ANKDD1A: variants seen among roughly 807,000 people sequenced by gnomAD.
The protein encoded by ANKDD1A is ankyrin repeat and death domain-containing protein 1A.
Under a neutral mutation model 63.5 loss-of-function variants are expected in ANKDD1A, and 59 were observed. That is an observed-to-expected ratio of 0.93 (90% CI 0.75 to 1.15). The LOEUF (loss-of-function observed/expected upper bound fraction) is 1.15. Among genes scored for constraint, ANKDD1A ranks in the 50% most tolerant of loss-of-function variants. The pLI, the probability that ANKDD1A is intolerant of heterozygous loss-of-function variation, is 0.00. For missense variants in ANKDD1A, 632 were observed against 656.4 expected, an observed-to-expected ratio of 0.96 and a Z score of 0.41; for synonymous variants, 266 against 263.9, an observed-to-expected ratio of 1.01 and a Z score of -0.08.
In ANKDD1A at chr15:64,943,464, TC is replaced by T. The variant is rs1374695512; in HGVS notation, c.967-17del. 3 of 1,612,640 alleles carry T rather than the reference TC, an allele frequency of 1.9e-6. No homozygotes were observed. Among genetic ancestry groups the T allele is most frequent in the Non-Finnish European group, 2.5e-6 (3 of 1,178,676 alleles). ...CCCTACATGCTTTTCACTTACCTAT[TC>T]CCTTGGCTTCTCCCCTAGAGGCAGC... is the stretch of plus-strand genomic sequence containing the variant. On this transcript the variant is annotated intron_variant, in intron 10 of 14. Transcript: ENST00000319580.
chr15:64,912,706 C>T (rs1382174367), intron 1 of ANKDD1A, among the ~76,000 whole-genome samples: 7 of 152,356 alleles, frequency 4.6e-5, no homozygotes, highest in Middle Eastern at 3.4e-3. Context: ...CTGGCTGAAT[C>T]CTGACAGCTG....
chr15:64,955,852 AT>A (rs1446701004), intron 14 of ANKDD1A, among the ~76,000 whole-genome samples: 1 of 152,224 alleles, frequency 6.6e-6, no homozygotes. Context: ...ACTTTTATCC[AT>A]TGGTCCAGCA....
intron 4 of ANKDD1A, 21 bp from the exon 5 acceptor site, chr15:64,926,045 C>A: frequency 6.2e-7 from 1 of 1,601,738 alleles, no homozygotes; most frequent in Non-Finnish European, 8.5e-7. Flanking sequence ...ACTGCAGGAA[C>A]CCTCCTGCAC....
Position 64,934,189 on chromosome 15 carries a change from T to C in ANKDD1A, c.822T>C (p.Ser274=), listed in dbSNP as rs759587395. The change falls in exon 9 of 15, where the codon TCT becomes TCC. Residue 274 remains serine, a synonymous_variant. Coordinates refer to ENST00000319580, the MANE Select transcript of ANKDD1A (RefSeq NM_182703.6). ...CCCTCAGTGGCTCGGAGGATGTGTC[T>C]CGGGTCCTCATCCACGCAGGAGGCT... is the stretch of plus-strand genomic sequence containing the variant. ...YAALSGSEDV[S]RVLIHAGGCA... 6.2e-7 allele frequency: 1 copy of C among 1,612,498 alleles called. No individual in the cohort carries two copies. Among genetic ancestry groups the C allele is most frequent in the South Asian group, 1.1e-5 (1 of 90,516 alleles).
chr15:64,933,104 G>C (rs558100118), intron 8 of ANKDD1A, among the ~76,000 whole-genome samples: 217 of 152,126 alleles, frequency 1.4e-3, no homozygotes, highest in African/African-American at 5.1e-3. Flanking sequence ...ACCCCTCTCA[G>C]AATGTCATGC....
intron 9 of ANKDD1A, among the ~76,000 whole-genome samples, chr15:64,936,262 C>T (rs117444875): frequency 0.017 from 2,590 of 152,066 alleles, 30 homozygotes; most frequent in Non-Finnish European, 0.027. Context: ...CCCATTTTCC[C>T]CCATGTAAAT....
At chr15:64,938,601 G>A (rs1478048415) in intron 9 of ANKDD1A, among the ~76,000 whole-genome samples, 4 of 152,200 alleles carry the variant, frequency 2.6e-5, no homozygotes, top group African/African-American at 9.7e-5. Flanking sequence ...AGGGAGACAT[G>A]ACAACTAAAT....
At chr15:64,928,587 A>T (rs2085064916) in intron 6 of ANKDD1A, among the ~76,000 whole-genome samples, 2 of 152,350 alleles carry the variant, frequency 1.3e-5, no homozygotes, top group East Asian at 3.9e-4. Flanking sequence ...TAAGTTTTTC[A>T]ATGCCTGATA....
At chr15:64,956,213 T>C (rs754127592) in intron 14 of ANKDD1A, among the ~76,000 whole-genome samples, 60 of 149,790 alleles carry the variant, frequency 4.0e-4, no homozygotes, top group Non-Finnish European at 6.3e-4. Flanking sequence ...GCAGGTGATG[T>C]ATTTTTTTCT....
At position 64,949,915 on chromosome 15, in the gene ANKDD1A, A is replaced by G. The variant is rs143701363; in HGVS notation, c.1426A>G (p.Asn476Asp). The G allele has an allele frequency of 4.4e-5, 71 of 1,608,936 alleles. No individual in the cohort carries two copies. In the African/African-American group the frequency reaches 8.0e-4, roughly 18 times the overall value. Residue 476 changes from asparagine to aspartate, a missense_variant, in exon 14 of 15, where the codon AAC (asparagine) becomes GAC (aspartate). By Grantham distance (23) the Asn-to-Asp change is conservative. Transcript: ENST00000319580. ...WLHGVATAGENPSKALFEGLV... is the reference protein window; with the variant it reads ...WLHGVATAGEDPSKALFEGLV... ...GCATGGCGTGGCCACGGCTGGTGAG[A>G]ACCCCAGCAAAGCGCTGTTCGAGGG...
At chr15:64,928,865 C>T (rs1452997854) in intron 6 of ANKDD1A, among the ~76,000 whole-genome samples, 1 of 152,252 alleles carries the variant, frequency 6.6e-6, no homozygotes, top group Non-Finnish European at 1.5e-5. Context: ...GCCTGTCAGG[C>T]ATCCATGTGT....
At chr15:64,954,246 GTTCTTTCTTC>G (rs2085378402) in intron 14 of ANKDD1A, among the ~76,000 whole-genome samples, 2 of 133,832 alleles carry the variant, frequency 1.5e-5, no homozygotes, top group African/African-American at 2.8e-5. Context: ...CGTCTTCTTA[GTTCTTTCTTC>G]TTCTCCTTCT....
chr15:64,922,124 C>T, intron 4 of ANKDD1A, 105 bp downstream of exon 4: 1 of 942,924 alleles, frequency 1.1e-6, no homozygotes, highest in Non-Finnish European at 1.6e-6. Context: ...CTCCAGCCCC[C>T]AACCTGCCTC....
At chr15:64,930,612 T>C (rs1008270260) in intron 6 of ANKDD1A, among the ~76,000 whole-genome samples, 3 of 152,166 alleles carry the variant, frequency 2.0e-5, no homozygotes, top group African/African-American at 7.2e-5. Context: ...GAATTGGATT[T>C]GTTTAATTTT....
intron 14 of ANKDD1A, among the ~76,000 whole-genome samples, chr15:64,952,253 C>T (rs1421032964): frequency 9.1e-5 from 13 of 143,028 alleles, no homozygotes; most frequent in African/African-American, 3.4e-4. Context: ...TTATTCTTCT[C>T]CTTCTTCCTT....
intron 8 of ANKDD1A, 153 bp downstream of exon 8, chr15:64,931,738 C>T (rs1284186653): frequency 2.6e-6 from 2 of 773,966 alleles, no homozygotes; most frequent in East Asian, 2.7e-5. Context: ...ACTGCTGAGC[C>T]CTGTGACCTG....
intron 14 of ANKDD1A, among the ~76,000 whole-genome samples, chr15:64,952,710 CCTTTCTT>C (rs149619098): frequency 0.027 from 3,626 of 135,822 alleles, 93 homozygotes; most frequent in African/African-American, 0.067. Context: ...TAGTTCTTCT[CCTTTCTT>C]CTTTCTTCTT....
intron 9 of ANKDD1A, among the ~76,000 whole-genome samples, chr15:64,937,169 A>G (rs1405791586): frequency 6.7e-6 from 1 of 150,148 alleles, no homozygotes. Context: ...TTCATATGTT[A>G]CTGGAAGGAG....
chr15:64,943,012 A>C (rs2085196468), intron 10 of ANKDD1A, among the ~76,000 whole-genome samples: 1 of 152,232 alleles, frequency 6.6e-6, no homozygotes, highest in South Asian at 2.1e-4. Context: ...TGGCTCACAG[A>C]GCCACTGGGA....
Sources: gnomAD v4.1 joint callset for allele counts (sites outside exome capture counted in the v4.1 genomes callset) on GRCh38, gnomAD v4.1.1 for gene constraint, MANE v1.5 for transcripts, NCBI Gene and HGNC (gene_info 2026-07-23, HGNC 2026-07-21) for gene names.